The following LMO3 variants were observed in gnomAD, a reference collection of about 807,000 sequenced individuals.
The protein encoded by LMO3 is LIM domain only 3.
LMO3 carries 2 observed loss-of-function variants against 15.8 expected under a neutral mutation model. The observed-to-expected ratio is 0.13, with a 90% CI of 0.05 to 0.40. The LOEUF (loss-of-function observed/expected upper bound fraction) is 0.40, where lower values mean the gene tolerates loss of function less well. Among genes scored for constraint, LMO3 ranks in the 10% least tolerant of loss-of-function variants. The pLI is 0.99. For synonymous variants in LMO3, 62 were observed against 63.8 expected, an observed-to-expected ratio of 0.97 and a Z score of 0.13; for missense variants, 86 against 182.2, an observed-to-expected ratio of 0.47 and a Z score of 3.04.
Position 16,605,385 on chromosome 12 carries a change from C to T in LMO3, c.-9+681G>A, listed in dbSNP as rs1314943890. ...ATCTCAATCTATTAGGATATAGGCA[C>T]CTTGGTCCAGGGACCTTCCCTCTTC... On this transcript the variant is annotated intron_variant, in intron 1 of 3. Coordinates refer to ENST00000537304, the MANE Select transcript of LMO3 (RefSeq NM_018640.5). 9.3e-5 allele frequency: 110 copies of T among 1,188,698 alleles called. No individual in the cohort carries two copies. In the South Asian group the frequency reaches 1.7e-3, roughly 19 times the overall value. The allele number at this position is 1,188,698 out of a possible 1,614,324, so 73.6% of individuals were successfully genotyped here. A position where few individuals can be genotyped will look rare whatever the true frequency, so the allele number is the denominator to read the frequency against.
intron 2 of LMO3, among the ~76,000 whole-genome samples, chr12:16,592,249 A>T (rs1806835477): frequency 6.6e-6 from 1 of 152,036 alleles, no homozygotes; most frequent in Non-Finnish European, 1.5e-5. Context: ...AAAGCAAGTA[A>T]TCATAAACAC....
intron 1 of LMO3, among the ~76,000 whole-genome samples, chr12:16,602,844 G>C (rs887607392): frequency 6.6e-5 from 10 of 152,150 alleles, no homozygotes. Flanking sequence ...GATTTACTCA[G>C]TGAAATTCTG....
Position 16,596,606 on chromosome 12 carries a change from A to C in LMO3, c.206+4049T>G, listed in dbSNP as rs1943668264. Among the ~76,000 whole-genome samples the C allele has an allele frequency of 1.3e-5, 2 of 151,730 alleles. No homozygotes were observed. On this transcript the variant is annotated intron_variant, in intron 2 of 3. Coordinates refer to ENST00000537304, the MANE Select transcript of LMO3 (RefSeq NM_018640.5). The surrounding 1 kb of genome is among the most constrained non-coding windows in gnomAD (Gnocchi z 4.3). ...CATCCTTTATTGCCTTCAAGTTGAA[A>C]AAGAAAGTATTTTGGTATTTCTCCT...
rs1943189974 is a variant in LMO3, at chr12:16,582,413, G to T, written c.206+18242C>A. Among the ~76,000 whole-genome samples, 1 of 152,150 alleles carries T rather than the reference G, an allele frequency of 6.6e-6. No homozygotes were observed. The highest frequency in any genetic ancestry group is 2.1e-4 in the South Asian group (1 of 4,830). ...GTTTTTGTATCTGTATGCAAAAATA[G>T]CATTAGTGTTTTATATTTTATATTG... On this transcript the variant is annotated intron_variant, in intron 2 of 3. Transcript: ENST00000537304. The surrounding 1 kb of genome is among the most constrained non-coding windows in gnomAD (Gnocchi z 4.1).
intron 2 of LMO3, among the ~76,000 whole-genome samples, chr12:16,577,329 C>T (rs1195961463): frequency 1.3e-5 from 2 of 152,174 alleles, no homozygotes; most frequent in Non-Finnish European, 1.5e-5. Flanking sequence ...AGGACCATCT[C>T]TTATCACAAT....
At chr12:16,577,396 A>C (rs1288333122) in intron 2 of LMO3, among the ~76,000 whole-genome samples, 2 of 152,170 alleles carry the variant, frequency 1.3e-5, no homozygotes, top group East Asian at 3.8e-4. Flanking sequence ...TTTCCTAAGT[A>C]GTTGGCAGTT....
Position 16,560,391 on chromosome 12 carries a change from G to T in LMO3, c.332+22C>A. On this transcript the variant is annotated intron_variant, in intron 3 of 3. Transcript: ENST00000537304. This position sits in a 1 kb window ranked among gnomAD's most constrained non-coding sequence, Gnocchi z 5.0. ...ACAGAGAGGTTAACCATTTCTTAGA[G>T]ACCAAAAAGAGACCTGCTTACCTCT... The T allele has an allele frequency of 1.9e-6, 3 of 1,607,546 alleles. No homozygotes were observed. The highest frequency in any genetic ancestry group is 1.1e-5 in the South Asian group (1 of 89,554).
chr12:16,610,019 G>A (rs1189287023), upstream of LMO3: 3 of 151,696 alleles, frequency 2.0e-5, no homozygotes, highest in African/African-American at 4.8e-5. Context: ...TCGGTCAAGG[G>A]AAGGATGAGG....
chr12:16,555,300 T>TG lies in LMO3; in HGVS notation c.333-3974dup, dbSNP rs1942153926. ...TCCCATTGCCTCCATCAACATCTTC[T>TG]GACCATGTAAATTTGCTTATTCTGA... On this transcript the variant is annotated intron_variant, in intron 3 of 3. Coordinates refer to ENST00000537304, the MANE Select transcript of LMO3 (RefSeq NM_018640.5). The surrounding 1 kb of genome is among the most constrained non-coding windows in gnomAD (Gnocchi z 5.5). Among the ~76,000 whole-genome samples the TG allele has an allele frequency of 6.6e-6, 1 of 152,242 alleles. No homozygotes were observed. Among genetic ancestry groups the TG allele is most frequent in the African/African-American group, 2.4e-5 (1 of 41,468 alleles).
chr12:16,595,609 T>C (rs1348642773), intron 2 of LMO3, among the ~76,000 whole-genome samples: 1 of 151,496 alleles, frequency 6.6e-6, no homozygotes, highest in Non-Finnish European at 1.5e-5. Context: ...GGAAAAATGA[T>C]CTTAAAATTG....
rs1217706226 is a variant in LMO3, at chr12:16,585,542, T to C, written c.206+15113A>G. Among the ~76,000 whole-genome samples the C allele has an allele frequency of 1.3e-5, 2 of 152,214 alleles. No individual in the cohort carries two copies. Among genetic ancestry groups the C allele is most frequent in the Non-Finnish European group, 2.9e-5 (2 of 68,036 alleles). On this transcript the variant is annotated intron_variant, in intron 2 of 3. Transcript: ENST00000537304. This position sits in a 1 kb window ranked among gnomAD's most constrained non-coding sequence, Gnocchi z 4.7. ...GATTAGAAAACTAATTTCATCACAA[T>C]CTCCCCTTTCCTAAATTCCTCTCAC...
Position 16,597,459 on chromosome 12 carries a change from A to T in LMO3, c.206+3196T>A, listed in dbSNP as rs1476014270. Among the ~76,000 whole-genome samples the T allele has an allele frequency of 6.6e-6, 1 of 151,814 alleles. No homozygotes were observed. Among genetic ancestry groups the T allele is most frequent in the East Asian group, 1.9e-4 (1 of 5,188 alleles). On this transcript the variant is annotated intron_variant, in intron 2 of 3. Coordinates refer to ENST00000537304, the MANE Select transcript of LMO3 (RefSeq NM_018640.5). The surrounding 1 kb of genome is among the most constrained non-coding windows in gnomAD (Gnocchi z 5.0). Reference sequence around the variant, plus strand: ...TCAAAGTAACACAAGTAAAACACAGATCTTTAAGTCTCATTGCTCATAATT... The same window carrying T: ...TCAAAGTAACACAAGTAAAACACAGTTCTTTAAGTCTCATTGCTCATAATT...
chr12:16,594,935 T>A (rs868395397), intron 2 of LMO3, among the ~76,000 whole-genome samples: 1 of 151,652 alleles, frequency 6.6e-6, no homozygotes, highest in Middle Eastern at 3.4e-3. Context: ...TTTGATATAG[T>A]CTAAGAGCAA....
chr12:16,556,393 C>T (rs976637676), intron 3 of LMO3, among the ~76,000 whole-genome samples: 7 of 152,082 alleles, frequency 4.6e-5, no homozygotes, highest in African/African-American at 7.3e-5. Flanking sequence ...TAGCTATACG[C>T]CTCTAAAAGG....
At chr12:16,563,040 C>T (rs1942456415) in intron 2 of LMO3, among the ~76,000 whole-genome samples, 2 of 152,182 alleles carry the variant, frequency 1.3e-5, no homozygotes, top group South Asian at 4.1e-4. Context: ...ATAAAATTTT[C>T]TTCTTCCACG....
At chr12:16,594,748 C>T (rs905248701) in intron 2 of LMO3, among the ~76,000 whole-genome samples, 8 of 151,568 alleles carry the variant, frequency 5.3e-5, no homozygotes, top group African/African-American at 1.9e-4. Flanking sequence ...CTACATAATA[C>T]ATTTCTACAA....
chr12:16,601,103 T>C (rs1235007746), intron 1 of LMO3, among the ~76,000 whole-genome samples: 1 of 152,196 alleles, frequency 6.6e-6, no homozygotes, highest in African/African-American at 2.4e-5. Context: ...AAATTCATGT[T>C]GACCATGGTA....
Position 16,599,002 on chromosome 12 carries a change from G to A in LMO3, c.206+1653C>T. On this transcript the variant is annotated intron_variant, in intron 2 of 3. Coordinates refer to ENST00000537304, the MANE Select transcript of LMO3 (RefSeq NM_018640.5). This position sits in a 1 kb window ranked among gnomAD's most constrained non-coding sequence, Gnocchi z 4.1. Reference sequence around the variant, plus strand: ...CAAACAAATGTAAAAGTCAAAAGGAGTCAAAAAGCTATGACTATTGGTTAG... The same window carrying A: ...CAAACAAATGTAAAAGTCAAAAGGAATCAAAAAGCTATGACTATTGGTTAG... 1 of 256,856 alleles carries A rather than the reference G, an allele frequency of 3.9e-6. No individual in the cohort carries two copies. The highest frequency in any genetic ancestry group is 7.9e-6 in the Non-Finnish European group (1 of 127,098). 15.9% of individuals were successfully genotyped at this position (256,856 alleles called of 1,614,324 possible).
chr12:16,554,561 T>G (rs1463894209), intron 3 of LMO3, among the ~76,000 whole-genome samples: 1 of 152,224 alleles, frequency 6.6e-6, no homozygotes, highest in African/African-American at 2.4e-5. Flanking sequence ...TACATCTCAC[T>G]GCTAACAACC....
Sources: gnomAD v4.1 joint callset for allele counts (sites outside exome capture counted in the v4.1 genomes callset) on GRCh38, gnomAD v4.1.1 for gene constraint, Gnocchi (gnomAD v3.1) non-coding constraint, MANE v1.5 for transcripts, NCBI Gene and HGNC (gene_info 2026-07-23, HGNC 2026-07-21) for gene names.